NXPH1: variants seen among roughly 807,000 people sequenced by gnomAD.
NXPH1 encodes neurexophilin 1, also known as neurexophilin-1.
NXPH1 carries 5 observed loss-of-function variants against 23.7 expected under a neutral mutation model. That is an observed-to-expected ratio of 0.21 (90% CI 0.11 to 0.44). The LOEUF is 0.44. Ranked by LOEUF, NXPH1 falls within the 20% of genes least tolerant of loss-of-function variation. NXPH1 has a pLI of 0.99. For missense variants in NXPH1, 324 were observed against 321.6 expected (o/e 1.01, Z -0.06); for synonymous variants, 144 against 122.2 (o/e 1.18, Z -1.18).
intron 2 of NXPH1, among the ~76,000 whole-genome samples, chr7:8,594,155 C>G (rs1348164515): frequency 8.6e-5 from 13 of 152,026 alleles, no homozygotes; most frequent in Admixed American, 8.5e-4. Flanking sequence ...ACACTCCACC[C>G]CCCACGTTTA....
At chr7:8,567,128 T>G (rs2057747) in intron 2 of NXPH1, among the ~76,000 whole-genome samples, 2 of 151,732 alleles carry the variant, frequency 1.3e-5, no homozygotes, top group Non-Finnish European at 2.9e-5. Flanking sequence ...TCTGGTCCCT[T>G]ATACTGTTAG....
At chr7:8,620,620 G>C (rs550929377) in intron 2 of NXPH1, among the ~76,000 whole-genome samples, 1 of 152,310 alleles carries the variant, frequency 6.6e-6, no homozygotes, top group East Asian at 1.9e-4. Flanking sequence ...TGGAATTAAG[G>C]AGATCTGAGA....
At chr7:8,529,790 T>G (rs1817922633) in intron 2 of NXPH1, among the ~76,000 whole-genome samples, 1 of 152,098 alleles carries the variant, frequency 6.6e-6, no homozygotes, top group Non-Finnish European at 1.5e-5. Context: ...ATTACCTCCT[T>G]TTCTTCCTGA....
chr7:8,486,575 T>A (rs1034078074), intron 2 of NXPH1, among the ~76,000 whole-genome samples: 1 of 152,206 alleles, frequency 6.6e-6, no homozygotes, highest in African/African-American at 2.4e-5. Flanking sequence ...TTTCCTCATC[T>A]GTAAGACAAG....
chr7:8,487,042 A>G (rs963154017), intron 2 of NXPH1, among the ~76,000 whole-genome samples: 14 of 152,098 alleles, frequency 9.2e-5, no homozygotes, highest in Admixed American at 1.3e-4. Flanking sequence ...TTCATTTATC[A>G]TTGCACATTG....
At chr7:8,490,233 TG>T (rs1817226760) in intron 2 of NXPH1, among the ~76,000 whole-genome samples, 1 of 152,088 alleles carries the variant, frequency 6.6e-6, no homozygotes, top group African/African-American at 2.4e-5. Flanking sequence ...CAAATCATTC[TG>T]GCAGTAATTC....
intron 2 of NXPH1, among the ~76,000 whole-genome samples, chr7:8,569,949 G>A (rs1056610026): frequency 6.6e-6 from 1 of 151,870 alleles, no homozygotes; most frequent in Non-Finnish European, 1.5e-5. Flanking sequence ...AGTACCCATA[G>A]TATATGATTG....
At position 8,584,880 on chromosome 7, in the gene NXPH1, A is replaced by G. The variant is rs978999602; in HGVS notation, c.54+149113A>G. Among the ~76,000 whole-genome samples, 6 of 152,182 alleles carry G rather than the reference A, an allele frequency of 3.9e-5. No homozygotes were observed. The South Asian group carries it at 1.0e-3, about 26-fold the overall frequency. On this transcript the variant is annotated intron_variant, in intron 2 of 2. Transcript: ENST00000405863. ...ACATTACTTTGTACTATGTATCTTA[A>G]AACATTTCTGTCTCATTTAGACTGC...
intron 2 of NXPH1, among the ~76,000 whole-genome samples, chr7:8,502,480 C>G (rs907746572): frequency 1.3e-5 from 2 of 151,758 alleles, no homozygotes; most frequent in Non-Finnish European, 2.9e-5. Context: ...TATTAATCCT[C>G]TTACATCAGT....
intron 2 of NXPH1, among the ~76,000 whole-genome samples, chr7:8,481,334 T>TATC (rs1350576899): frequency 6.6e-6 from 1 of 152,218 alleles, no homozygotes; most frequent in Non-Finnish European, 1.5e-5. Flanking sequence ...AGATGTCATT[T>TATC]ATCTGGTTGC....
At chr7:8,696,840 CAAAA>C (rs3059126) in intron 2 of NXPH1, among the ~76,000 whole-genome samples, 3 of 96,982 alleles carry the variant, frequency 3.1e-5, no homozygotes, top group Non-Finnish European at 4.1e-5. Flanking sequence ...GACTCCCTCT[CAAAA>C]AAAAAAAAAA....
intron 2 of NXPH1, among the ~76,000 whole-genome samples, chr7:8,493,611 G>A (rs1257062851): frequency 6.6e-6 from 1 of 152,008 alleles, no homozygotes; most frequent in Non-Finnish European, 1.5e-5. Flanking sequence ...CCTTGACCTG[G>A]AGTAAATGTC....
intron 2 of NXPH1, among the ~76,000 whole-genome samples, chr7:8,700,851 T>C (rs536759142): frequency 1.2e-4 from 18 of 152,230 alleles, no homozygotes; most frequent in Admixed American, 8.5e-4. Flanking sequence ...CTGGGCTCAA[T>C]CTAGTCCACT....
rs1219769583 is a variant in NXPH1 at position 8,516,841 on chromosome 7, G to C, written c.54+81074G>C. 2.0e-5 allele frequency among the ~76,000 whole-genome samples: 3 copies of C among 152,198 alleles called. No homozygotes were observed. The East Asian group carries it at 5.8e-4, about 30-fold the overall frequency. On this transcript the variant is annotated intron_variant, in intron 2 of 2. Transcript: ENST00000405863. ...ACAAAATCATGAACGACTATAGAGA[G>C]AGCCAATGCCCAGGGTGCAGAAGGT... is the stretch of plus-strand genomic sequence containing the variant.
rs536829021 is a variant in NXPH1 at position 8,682,714 on chromosome 7, T to C, written c.55-68294T>C. On this transcript the variant is annotated intron_variant, in intron 2 of 2. Transcript: ENST00000405863. ...CTTTGGGCATGAATAAATAGAAGTA[T>C]TGACCATCAGTCAGAAGCAATCATT... Among the ~76,000 whole-genome samples the C allele has an allele frequency of 2.6e-4, 40 of 152,334 alleles. 1 individual carries two copies. The highest frequency in any genetic ancestry group is 9.4e-4 in the African/African-American group (39 of 41,580).
At chr7:8,595,530 T>G (rs1819203078) in intron 2 of NXPH1, among the ~76,000 whole-genome samples, 1 of 152,082 alleles carries the variant, frequency 6.6e-6, no homozygotes, top group Non-Finnish European at 1.5e-5. Context: ...CCTTAAACAT[T>G]GTAAGTATGA....
chr7:8,491,126 T>C (rs1817242114), intron 2 of NXPH1, among the ~76,000 whole-genome samples: 1 of 152,046 alleles, frequency 6.6e-6, no homozygotes, highest in Non-Finnish European at 1.5e-5. Context: ...TATTATCCTC[T>C]GAAAATGTAA....
At chr7:8,569,908 T>C (rs577460350) in intron 2 of NXPH1, among the ~76,000 whole-genome samples, 2 of 152,036 alleles carry the variant, frequency 1.3e-5, no homozygotes, top group East Asian at 3.9e-4. Context: ...CTGTCAGCCA[T>C]TAGAGTTATC....
chr7:8,688,809 A>G (rs925034240), intron 2 of NXPH1, among the ~76,000 whole-genome samples: 4 of 152,192 alleles, frequency 2.6e-5, no homozygotes, highest in African/African-American at 9.7e-5. Context: ...ACAGTTAATA[A>G]TTAGGATTTC....
Sources: allele counts gnomAD v4.1 joint callset (sites outside exome capture counted in the v4.1 genomes callset), GRCh38; gene constraint gnomAD v4.1.1; transcripts MANE v1.5; gene names NCBI Gene and HGNC (gene_info 2026-07-23, HGNC 2026-07-21).